PGM2L1: variants seen among roughly 807,000 people sequenced by gnomAD.
The protein encoded by PGM2L1 is phosphoglucomutase 2 like 1, also known as glucose 1,6-bisphosphate synthase.
Under a neutral mutation model 73.4 loss-of-function variants are expected in PGM2L1, and 35 were observed. That is an observed-to-expected ratio of 0.48 (90% CI 0.36 to 0.63). The LOEUF (loss-of-function observed/expected upper bound fraction) is 0.63. Among genes scored for constraint, PGM2L1 ranks in the 30% least tolerant of loss-of-function variants. The probability of loss-of-function intolerance (pLI) is 0.00; values close to 1 mark genes in which losing one functional copy is unlikely to be tolerated. For synonymous variants in PGM2L1, 225 were observed against 253.8 expected, an observed-to-expected ratio of 0.89 and a Z score of 1.08; for missense variants, 570 against 742.0, an observed-to-expected ratio of 0.77 and a Z score of 2.69.
rs1184342211 is a variant in PGM2L1, at chr11:74,331,605, G to A, written c.*5047C>T. On this transcript the variant is annotated 3_prime_UTR_variant, in exon 14 of 14. Transcript: ENST00000298198. ...ACTACAGCCAGTGTGTGTAGCTCAA[G>A]GACTTGCCTCCACTGGGGGTGAGGG... is the stretch of plus-strand genomic sequence containing the variant. 1 of 152,228 alleles carries A rather than the reference G, an allele frequency of 6.6e-6. No individual in the cohort carries two copies. 9.4% of individuals were successfully genotyped at this position (152,228 alleles called of 1,614,324 possible). A position where few individuals can be genotyped will look rare whatever the true frequency, so the allele number is the denominator to read the frequency against.
At chr11:74,356,754 G>A (rs2134906080) in intron 5 of PGM2L1, among the ~76,000 whole-genome samples, 1 of 152,060 alleles carries the variant, frequency 6.6e-6, no homozygotes, top group African/African-American at 2.4e-5. Flanking sequence ...AGAATAATGA[G>A]CAAATAGTTT....
rs1051541963 is a variant in PGM2L1, at chr11:74,335,729, G to T, written c.*923C>A. 6.6e-5 allele frequency: 10 copies of T among 152,488 alleles called. No individual in the cohort carries two copies. The highest frequency in any genetic ancestry group is 2.9e-5 in the Non-Finnish European group (2 of 68,022). The allele number at this position is 152,488 out of a possible 1,614,324, so 9.4% of individuals were successfully genotyped here. ...TTCTGTAATAAAAGGTTTGATAAAT[G>T]ACACAATTCTAATATGAAGATCCTT... is the stretch of plus-strand genomic sequence containing the variant. On this transcript the variant is annotated 3_prime_UTR_variant, in exon 14 of 14. Transcript: ENST00000298198.
chr11:74,380,897 A>G (rs1384330610), intron 1 of PGM2L1, among the ~76,000 whole-genome samples: 2 of 152,230 alleles, frequency 1.3e-5, no homozygotes. Context: ...TAATGTGCTC[A>G]GTAGACCACT....
chr11:74,384,669 T>C (rs1862995871), intron 1 of PGM2L1, among the ~76,000 whole-genome samples: 1 of 152,058 alleles, frequency 6.6e-6, no homozygotes, highest in Non-Finnish European at 1.5e-5. Flanking sequence ...GTTGTTGTTG[T>C]TGTTTGTTTG....
intron 1 of PGM2L1, among the ~76,000 whole-genome samples, chr11:74,381,558 T>C (rs1862944823): frequency 6.7e-6 from 1 of 148,918 alleles, no homozygotes; most frequent in African/African-American, 2.5e-5. Flanking sequence ...TTTTTGTTTG[T>C]TTGTGTTTTT....
Position 74,336,390 on chromosome 11 carries a change from C to T in PGM2L1, c.*262G>A, listed in dbSNP as rs1328157643. On this transcript the variant is annotated 3_prime_UTR_variant, in exon 14 of 14. Transcript: ENST00000298198. Reference sequence around the variant, plus strand: ...TGTGATGTTTCTGTTAACGGAAGGACAATACGTTACTATAATACTTTTAGT... The same window carrying T: ...TGTGATGTTTCTGTTAACGGAAGGATAATACGTTACTATAATACTTTTAGT... 2 of 233,278 alleles carry T rather than the reference C, an allele frequency of 8.6e-6. No homozygotes were observed. Among genetic ancestry groups the T allele is most frequent in the African/African-American group, 2.3e-5 (1 of 44,072 alleles). 14.5% of individuals were successfully genotyped at this position (233,278 alleles called of 1,614,324 possible). A position where few individuals can be genotyped will look rare whatever the true frequency, so the allele number is the denominator to read the frequency against.
chr11:74,338,110 T>G lies in PGM2L1; in HGVS notation c.1766+358A>C, dbSNP rs1275078197. 2.0e-5 allele frequency among the ~76,000 whole-genome samples: 3 copies of G among 152,190 alleles called. No homozygotes were observed. In the East Asian group the frequency reaches 5.8e-4, roughly 29 times the overall value. On this transcript the variant is annotated intron_variant, in intron 13 of 13. Transcript: ENST00000298198. ...AAAAGGAATAAATTCATGCTACAACTGAATCATGGTGGAACCTAGAAACCA... is the reference window on the plus strand; with the variant it reads ...AAAAGGAATAAATTCATGCTACAACGGAATCATGGTGGAACCTAGAAACCA...
At chr11:74,345,123 TTGA>T (rs1310701625) in intron 9 of PGM2L1, among the ~76,000 whole-genome samples, 1 of 152,138 alleles carries the variant, frequency 6.6e-6, no homozygotes, top group African/African-American at 2.4e-5. Flanking sequence ...GAACAAGGGG[TTGA>T]TGACACCTAC....
intron 5 of PGM2L1, among the ~76,000 whole-genome samples, chr11:74,359,278 CTTT>C (rs926999634): frequency 6.7e-6 from 1 of 148,722 alleles, no homozygotes; most frequent in Admixed American, 6.7e-5. Flanking sequence ...CATTCATTTT[CTTT>C]TTTTTTTCTT....
In PGM2L1 at chr11:74,346,948, G is replaced by A. The variant is rs533848109; in HGVS notation, c.940-119C>T. 2.4e-5 allele frequency: 24 copies of A among 1,014,734 alleles called. No homozygotes were observed. In the South Asian group the frequency reaches 3.1e-4, roughly 13 times the overall value. 62.9% of individuals were successfully genotyped at this position (1,014,734 alleles called of 1,614,324 possible). A position where few individuals can be genotyped will look rare whatever the true frequency, so the allele number is the denominator to read the frequency against. ...TTTAGAAGGCATAGAATTCAGCTACGTTTAAAACAAGAAGCCAAAAGTAGG... is the reference window on the plus strand; with the variant it reads ...TTTAGAAGGCATAGAATTCAGCTACATTTAAAACAAGAAGCCAAAAGTAGG... On this transcript the variant is annotated intron_variant, in intron 7 of 13. Coordinates refer to ENST00000298198, the MANE Select transcript of PGM2L1 (RefSeq NM_173582.6).
At chr11:74,337,282 G>A (rs980996998) in intron 13 of PGM2L1, among the ~76,000 whole-genome samples, 1 of 152,222 alleles carries the variant, frequency 6.6e-6, no homozygotes, top group African/African-American at 2.4e-5. Flanking sequence ...CTTTTAAACT[G>A]CCTTTACAGT....
chr11:74,378,940 T>C (rs187697405), intron 1 of PGM2L1, among the ~76,000 whole-genome samples: 5 of 152,302 alleles, frequency 3.3e-5, no homozygotes, highest in Admixed American at 3.3e-4. Flanking sequence ...ACCTATTCTG[T>C]TCATAACTAG....
chr11:74,385,659 C>CATCAA (rs1565445747), intron 1 of PGM2L1, among the ~76,000 whole-genome samples: 13 of 151,936 alleles, frequency 8.6e-5, no homozygotes, highest in African/African-American at 3.1e-4. Context: ...CTTAATTTAA[C>CATCAA]GTATACTCAG....
intron 3 of PGM2L1, 49 bp downstream of exon 3, chr11:74,371,660 AAT>A (rs757379622): frequency 2.2e-5 from 33 of 1,506,524 alleles, no homozygotes; most frequent in Non-Finnish European, 2.9e-5. Context: ...AAATGTTTTA[AAT>A]ATGTTTTATT....
intron 5 of PGM2L1, among the ~76,000 whole-genome samples, chr11:74,367,612 C>T (rs1276099236): frequency 6.6e-6 from 1 of 152,148 alleles, no homozygotes; most frequent in Admixed American, 6.6e-5. Context: ...CTGGGCTACT[C>T]ATGCAAGTAA....
At chr11:74,396,108 A>T (rs894703580) in intron 1 of PGM2L1, among the ~76,000 whole-genome samples, 3 of 151,516 alleles carry the variant, frequency 2.0e-5, no homozygotes, top group African/African-American at 4.9e-5. Context: ...AATTTTTTTT[A>T]ATTAGCCGGG....
chr11:74,365,960 G>C (rs1321551147), intron 5 of PGM2L1, among the ~76,000 whole-genome samples: 1 of 152,066 alleles, frequency 6.6e-6, no homozygotes, highest in South Asian at 2.1e-4. Context: ...TTGGAACCAA[G>C]CCAAATGTCC....
intron 1 of PGM2L1, among the ~76,000 whole-genome samples, chr11:74,390,960 A>C (rs1179636420): frequency 6.6e-6 from 1 of 152,138 alleles, no homozygotes; most frequent in Non-Finnish European, 1.5e-5. Flanking sequence ...GGGACGAAGA[A>C]ATGGGGAGTT....
intron 1 of PGM2L1, among the ~76,000 whole-genome samples, chr11:74,394,756 AT>A (rs562423043): frequency 1.8e-4 from 28 of 152,288 alleles, no homozygotes; most frequent in African/African-American, 6.7e-4. Flanking sequence ...CACAAATAAC[AT>A]TTTTTCATAA....
Sources: gnomAD v4.1 joint callset for allele counts (sites outside exome capture counted in the v4.1 genomes callset) on GRCh38, gnomAD v4.1.1 for gene constraint, MANE v1.5 for transcripts, NCBI Gene and HGNC (gene_info 2026-07-23, HGNC 2026-07-21) for gene names.